The following TDRD10 variants were observed in gnomAD, a reference collection of about 807,000 sequenced individuals.
TDRD10 encodes tudor domain containing 10.
A neutral mutation model predicts 48.0 loss-of-function variants in TDRD10; 40 were observed. The observed-to-expected ratio is 0.83, with a 90% CI of 0.65 to 1.09. The LOEUF (loss-of-function observed/expected upper bound fraction) is 1.09. Ranked by LOEUF, TDRD10 falls within the 50% of genes least tolerant of loss-of-function variation. The probability of loss-of-function intolerance (pLI) is 0.00; values close to 1 mark genes in which losing one functional copy is unlikely to be tolerated. For synonymous variants in TDRD10, 162 were observed against 170.4 expected, an observed-to-expected ratio of 0.95 and a Z score of 0.38; for missense variants, 378 against 434.7, an observed-to-expected ratio of 0.87 and a Z score of 1.16.
At chr1:154,506,110 G>A (rs1231149072) in intron 1 of TDRD10, among the ~76,000 whole-genome samples, 1 of 152,140 alleles carries the variant, frequency 6.6e-6, no homozygotes, top group African/African-American at 2.4e-5. Flanking sequence ...TACAACCTTA[G>A]TGGGTTAAAC....
rs372386943 is a variant in TDRD10 at position 154,521,310 on chromosome 1, C to T, written c.213-13C>T. ...ATGTGCTCAAAGCCTCCCTCTCTCT[C>T]TTCCCTTTTCAGCTTTGCATTTGTA... On this transcript the variant is annotated splice_polypyrimidine_tract_variant and intron_variant, in intron 5 of 12. Transcript: ENST00000368482. The T allele has an allele frequency of 8.2e-5, 133 of 1,613,658 alleles. No homozygotes were observed. Among genetic ancestry groups the T allele is most frequent in the Middle Eastern group, 8.2e-4 (5 of 6,080 alleles).
At chr1:154,519,787 C>G (rs1156524203) in intron 4 of TDRD10, among the ~76,000 whole-genome samples, 1 of 152,034 alleles carries the variant, frequency 6.6e-6, no homozygotes, top group Non-Finnish European at 1.5e-5. Context: ...AACCCAAGCC[C>G]GCGGAGCAGG....
chr1:154,532,398 A>G (rs1694682534), intron 6 of TDRD10, among the ~76,000 whole-genome samples: 1 of 152,100 alleles, frequency 6.6e-6, no homozygotes, highest in Non-Finnish European at 1.5e-5. Flanking sequence ...ACGCCCACCC[A>G]GAACTCTAGC....
chr1:154,507,221 C>T lies in TDRD10; in HGVS notation c.3-20C>T. ...GAGTCTGAGCTTGGGAGGTTCGATG[C>T]TGACACCTGTGTTTGACAGGTCCTG... On this transcript the variant is annotated intron_variant, in intron 2 of 12. Coordinates refer to ENST00000368482, the MANE Select transcript of TDRD10 (RefSeq NM_182499.4). 1 of 1,613,868 alleles carries T rather than the reference C, an allele frequency of 6.2e-7. No homozygotes were observed. The highest frequency in any genetic ancestry group is 8.5e-7 in the Non-Finnish European group (1 of 1,180,006).
At position 154,502,299 on chromosome 1, in the gene TDRD10, C is replaced by T. The variant is rs1692820994; in HGVS notation, c.-758C>T. 3 of 193,128 alleles carry T rather than the reference C, an allele frequency of 1.6e-5. No individual in the cohort carries two copies. The highest frequency in any genetic ancestry group is 3.8e-4 in the South Asian group (2 of 5,226). 12.0% of individuals were successfully genotyped at this position (193,128 alleles called of 1,614,324 possible). A position where few individuals can be genotyped will look rare whatever the true frequency, so the allele number is the denominator to read the frequency against. On this transcript the variant is annotated 5_prime_UTR_variant, in exon 1 of 13. Coordinates refer to ENST00000368482, the MANE Select transcript of TDRD10 (RefSeq NM_182499.4). ...CGGGGGCTTCCCCCTGCTCTTTCCTCCTGCGGTGGGAGAGGCCAGGCCCAC... is the reference window on the plus strand; with the variant it reads ...CGGGGGCTTCCCCCTGCTCTTTCCTTCTGCGGTGGGAGAGGCCAGGCCCAC...
At chr1:154,539,371 G>C (rs909362567) in intron 6 of TDRD10, among the ~76,000 whole-genome samples, 3 of 151,740 alleles carry the variant, frequency 2.0e-5, no homozygotes, top group Non-Finnish European at 4.4e-5. Context: ...GCACAATCTC[G>C]GCTCACTGCA....
intron 2 of TDRD10, 36 bp from the exon 3 acceptor site, chr1:154,507,205 C>T (rs201533177): frequency 6.2e-7 from 1 of 1,613,366 alleles, no homozygotes; most frequent in Non-Finnish European, 8.5e-7. Context: ...GGAGTCTGAG[C>T]TTGGGAGGTT....
chr1:154,538,727 C>T (rs1324856108), intron 6 of TDRD10, among the ~76,000 whole-genome samples: 2 of 151,622 alleles, frequency 1.3e-5, no homozygotes, highest in African/African-American at 2.4e-5. Context: ...GTGGTGGGCA[C>T]CTGTAGTCTG....
At chr1:154,536,714 G>A (rs551819276) in intron 6 of TDRD10, among the ~76,000 whole-genome samples, 41 of 152,274 alleles carry the variant, frequency 2.7e-4, no homozygotes, top group African/African-American at 7.9e-4. Flanking sequence ...CCATCCTTTC[G>A]ATGAGATGGA....
In TDRD10 at chr1:154,502,761, A is replaced by G. The variant is rs1692862899; in HGVS notation, c.-296A>G. On this transcript the variant is annotated 5_prime_UTR_variant, in exon 1 of 13. Transcript: ENST00000368482. ...CTCCGCTCTACTCCACTCTTTCTGCAGACGTTATTTTTGGCGGTAGGGCAG... is the reference window on the plus strand; with the variant it reads ...CTCCGCTCTACTCCACTCTTTCTGCGGACGTTATTTTTGGCGGTAGGGCAG... The G allele has an allele frequency of 6.6e-6, 1 of 152,184 alleles. No individual in the cohort carries two copies. The highest frequency in any genetic ancestry group is 1.5e-5 in the Non-Finnish European group (1 of 68,052). 9.4% of individuals were successfully genotyped at this position (152,184 alleles called of 1,614,324 possible). A position where few individuals can be genotyped will look rare whatever the true frequency, so the allele number is the denominator to read the frequency against.
At chr1:154,545,577 ATTTC>A (rs1427033577) in intron 11 of TDRD10, among the ~76,000 whole-genome samples, 1 of 152,056 alleles carries the variant, frequency 6.6e-6, no homozygotes, top group African/African-American at 2.4e-5. Flanking sequence ...TATTTAAAAA[ATTTC>A]TTTTTTTTTC....
chr1:154,503,907 T>G (rs1449796082), intron 1 of TDRD10, among the ~76,000 whole-genome samples: 2 of 152,240 alleles, frequency 1.3e-5, no homozygotes, highest in Non-Finnish European at 1.5e-5. Context: ...TTCACCTGTT[T>G]TAAGTGTGCA....
intron 6 of TDRD10, chr1:154,534,401 A>C (rs186136894): frequency 2.6e-5 from 4 of 152,398 alleles, no homozygotes; most frequent in African/African-American, 9.6e-5. Context: ...GTGAAGATGC[A>C]TAAAAGCCAG....
intron 6 of TDRD10, among the ~76,000 whole-genome samples, chr1:154,529,546 A>AT (rs56210038): frequency 6.2e-4 from 81 of 130,688 alleles, no homozygotes; most frequent in African/African-American, 1.7e-3. Context: ...TTCTGTGTTC[A>AT]TTTTTTTTTT....
chr1:154,542,634 T>C, intron 7 of TDRD10, 97 bp from the exon 8 acceptor site: 1 of 914,336 alleles, frequency 1.1e-6, no homozygotes, highest in Non-Finnish European at 1.7e-6. Context: ...ATTTTATGCT[T>C]CCTTGGAGGG....
chr1:154,532,001 T>C (rs995180075), intron 6 of TDRD10, among the ~76,000 whole-genome samples: 2 of 152,214 alleles, frequency 1.3e-5, no homozygotes, highest in Non-Finnish European at 2.9e-5. Context: ...AAGTACCCAC[T>C]AGACTCAGGA....
At chr1:154,522,900 A>G (rs1178139616) in intron 6 of TDRD10, among the ~76,000 whole-genome samples, 2 of 151,548 alleles carry the variant, frequency 1.3e-5, no homozygotes, top group Admixed American at 1.3e-4. Context: ...GAGTCCAGTC[A>G]CTTACTTCCT....
At chr1:154,535,538 G>C (rs1382461171) in intron 6 of TDRD10, among the ~76,000 whole-genome samples, 4 of 151,846 alleles carry the variant, frequency 2.6e-5, no homozygotes. Context: ...AAATGTGCCG[G>C]GTGTGGTGGC....
Position 154,547,830 on chromosome 1 carries a change from C to T in TDRD10, c.*120C>T. The T allele has an allele frequency of 2.4e-6, 3 of 1,258,838 alleles. No individual in the cohort carries two copies. The highest frequency in any genetic ancestry group is 2.3e-6 in the Non-Finnish European group (2 of 881,728). The allele number at this position is 1,258,838 out of a possible 1,614,324, so 78.0% of individuals were successfully genotyped here. On this transcript the variant is annotated 3_prime_UTR_variant, in exon 13 of 13. Coordinates refer to ENST00000368482, the MANE Select transcript of TDRD10 (RefSeq NM_182499.4). Reference sequence around the variant, plus strand: ...GGAGGTGAAAAAGGCCAGACTGTGCCCAGGATTGATTCAATTTTGCTTTTA... The same window carrying T: ...GGAGGTGAAAAAGGCCAGACTGTGCTCAGGATTGATTCAATTTTGCTTTTA...
Sources: gnomAD v4.1 joint callset for allele counts (sites outside exome capture counted in the v4.1 genomes callset) on GRCh38, gnomAD v4.1.1 for gene constraint, MANE v1.5 for transcripts, NCBI Gene and HGNC (gene_info 2026-07-23, HGNC 2026-07-21) for gene names.